SLCO4C1: variants seen among roughly 807,000 people sequenced by gnomAD.
The protein encoded by SLCO4C1 is organic anion transporter M1.
Under a neutral mutation model 72.1 loss-of-function variants are expected in SLCO4C1, and 58 were observed. That is an observed-to-expected ratio of 0.80 (90% confidence interval 0.65 to 1.00). The LOEUF (loss-of-function observed/expected upper bound fraction) is 1.00. Among genes scored for constraint, SLCO4C1 ranks in the 50% least tolerant of loss-of-function variants. SLCO4C1 has a pLI of 0.00. For synonymous variants in SLCO4C1, 297 were observed against 312.5 expected (o/e 0.95, Z 0.52); for missense variants, 898 against 857.9 (o/e 1.05, Z -0.58).
chr5:102,283,798 G>C (rs1375281723), intron 2 of SLCO4C1, among the ~76,000 whole-genome samples: 4 of 151,892 alleles, frequency 2.6e-5, no homozygotes, highest in Non-Finnish European at 4.4e-5. Context: ...AGTAAGAGTA[G>C]GTAATGGCAG....
intron 2 of SLCO4C1, among the ~76,000 whole-genome samples, chr5:102,275,394 TAAGA>T (rs1330296329): frequency 2.0e-5 from 3 of 152,154 alleles, no homozygotes; most frequent in Non-Finnish European, 4.4e-5. Flanking sequence ...TTGATGTACC[TAAGA>T]AAGAAAACTA....
intron 5 of SLCO4C1, among the ~76,000 whole-genome samples, chr5:102,261,512 A>G (rs1748943756): frequency 6.6e-6 from 1 of 152,164 alleles, no homozygotes. Context: ...ACTTAAAAAA[A>G]AAAGTACTTG....
chr5:102,238,749 T>A (rs1408207105), intron 12 of SLCO4C1, among the ~76,000 whole-genome samples: 1 of 152,166 alleles, frequency 6.6e-6, no homozygotes, highest in Non-Finnish European at 1.5e-5. Flanking sequence ...TTTCATTCAT[T>A]GCTTAACCAA....
intron 2 of SLCO4C1, among the ~76,000 whole-genome samples, chr5:102,282,206 A>C (rs1749370845): frequency 6.6e-6 from 1 of 152,034 alleles, no homozygotes; most frequent in African/African-American, 2.4e-5. Flanking sequence ...AAACATAGAA[A>C]TGTTCATCAT....
In SLCO4C1 at chr5:102,236,845, C is replaced by G. The variant is rs10073955; in HGVS notation, c.*13G>C. ...AATTTTCCAGGTGTAAAACAGTCTTCTCTTTTCCCATTTCACCCTTCTTTT... is the reference window on the plus strand; with the variant it reads ...AATTTTCCAGGTGTAAAACAGTCTTGTCTTTTCCCATTTCACCCTTCTTTT... On this transcript the variant is annotated 3_prime_UTR_variant, in exon 13 of 13. Coordinates refer to ENST00000310954, the MANE Select transcript of SLCO4C1 (RefSeq NM_180991.5). 2.9e-5 allele frequency: 46 copies of G among 1,609,422 alleles called. No homozygotes were observed. Among genetic ancestry groups the G allele is most frequent in the Middle Eastern group, 3.3e-4 (2 of 6,058 alleles).
chr5:102,238,261 C>G (rs1421353112), intron 12 of SLCO4C1, among the ~76,000 whole-genome samples: 1 of 151,794 alleles, frequency 6.6e-6, no homozygotes, highest in East Asian at 1.9e-4. Context: ...CCAAAAAGTA[C>G]AAACAAAATG....
chr5:102,243,436 C>G (rs567236060), intron 10 of SLCO4C1, among the ~76,000 whole-genome samples: 1 of 152,332 alleles, frequency 6.6e-6, no homozygotes, highest in African/African-American at 2.4e-5. Flanking sequence ...AGTGCAATCA[C>G]AGTGGTGGTG....
At chr5:102,274,876 C>T (rs994898312) in intron 2 of SLCO4C1, among the ~76,000 whole-genome samples, 3 of 152,118 alleles carry the variant, frequency 2.0e-5, no homozygotes, top group Admixed American at 2.0e-4. Flanking sequence ...TTATAGTTGA[C>T]CACCCCGAGT....
intron 8 of SLCO4C1, among the ~76,000 whole-genome samples, chr5:102,252,072 G>A (rs931317971): frequency 1.3e-5 from 2 of 150,954 alleles, no homozygotes; most frequent in African/African-American, 4.9e-5. Flanking sequence ...AGGGAAACGG[G>A]GAAAGAAGGA....
chr5:102,290,274 C>G (rs1749527800), intron 2 of SLCO4C1, among the ~76,000 whole-genome samples: 1 of 152,218 alleles, frequency 6.6e-6, no homozygotes, highest in African/African-American at 2.4e-5. Context: ...TGGTCTCTAA[C>G]TCCTGAGCTC....
rs2112412265 is a variant in SLCO4C1 at position 102,296,143 on chromosome 5, T to C, written c.120A>G (p.Gln40=). The C allele has an allele frequency of 6.2e-7, 1 of 1,614,018 alleles. No individual in the cohort carries two copies. The highest frequency in any genetic ancestry group is 1.1e-5 in the South Asian group (1 of 91,078). ...GCTCCTGTGGCTGAGAATTCTCTCT[T>C]TGGGGGTCAGAGGACAAGGCAGAGA... is the stretch of plus-strand genomic sequence containing the variant. ...IEVSALSSDP[Q]RENSQPQELQ... The change falls in exon 1 of 13, where the codon CAA becomes CAG. Residue 40 remains glutamine, a synonymous_variant. Coordinates refer to ENST00000310954, the MANE Select transcript of SLCO4C1 (RefSeq NM_180991.5).
At chr5:102,286,409 C>A (rs1210953694) in intron 2 of SLCO4C1, among the ~76,000 whole-genome samples, 1 of 151,962 alleles carries the variant, frequency 6.6e-6, no homozygotes, top group East Asian at 1.9e-4. Context: ...TAACACTCAT[C>A]TAAAAGAAAT....
In SLCO4C1 at chr5:102,234,248, A is replaced by T. The variant is rs1748394107; in HGVS notation, c.*2610T>A. ...GTCAATTTATAAGTCAAGCTTACTT[A>T]ACAATCATAAATTACAAAAAACGCA... On this transcript the variant is annotated 3_prime_UTR_variant, in exon 13 of 13. Transcript: ENST00000310954. The T allele has an allele frequency of 6.6e-6, 1 of 152,648 alleles. No homozygotes were observed. The highest frequency in any genetic ancestry group is 2.4e-5 in the African/African-American group (1 of 41,476). The allele number at this position is 152,648 out of a possible 1,614,324, so 9.5% of individuals were successfully genotyped here.
At chr5:102,270,951 A>T in intron 2 of SLCO4C1, 145 bp from the exon 3 acceptor site, 1 of 725,936 alleles carries the variant, frequency 1.4e-6, no homozygotes, top group Non-Finnish European at 2.1e-6. Flanking sequence ...TTAAAAATAC[A>T]TCAAAAGAAA....
chr5:102,261,104 C>G (rs894524017), intron 5 of SLCO4C1, among the ~76,000 whole-genome samples: 1 of 152,156 alleles, frequency 6.6e-6, no homozygotes, highest in African/African-American at 2.4e-5. Flanking sequence ...TTAACCTTTT[C>G]TTTTTATATA....
At chr5:102,241,623 C>T (rs948398331) in intron 10 of SLCO4C1, among the ~76,000 whole-genome samples, 2 of 152,024 alleles carry the variant, frequency 1.3e-5, no homozygotes, top group Middle Eastern at 3.2e-3. Context: ...AAAGCTATCC[C>T]TTGTTTATGA....
At chr5:102,286,342 C>T (rs557051368) in intron 2 of SLCO4C1, among the ~76,000 whole-genome samples, 1 of 152,016 alleles carries the variant, frequency 6.6e-6, no homozygotes, top group Admixed American at 6.6e-5. Context: ...TTTAATAATG[C>T]CTCTCTCCCA....
In SLCO4C1 at chr5:102,291,098, A is replaced by C. The variant is rs761933159; in HGVS notation, c.619+245T>G. On this transcript the variant is annotated intron_variant, in intron 2 of 12. Coordinates refer to ENST00000310954, the MANE Select transcript of SLCO4C1 (RefSeq NM_180991.5). The stretch of plus-strand genomic sequence containing the variant: ...AACAAGTCATCTCTTCTTGAGGAGG[A>C]CTGTGTATAATATGGGGAATAAGAA... 1.6e-4 allele frequency among the ~76,000 whole-genome samples: 25 copies of C among 152,176 alleles called. 1 individual carries two copies. The highest frequency in any genetic ancestry group is 2.9e-4 in the Non-Finnish European group (20 of 68,030).
At position 102,260,310 on chromosome 5, in the gene SLCO4C1, T is replaced by A; in HGVS notation, c.1031A>T (p.Glu344Val). Residue 344 changes from glutamate (E) to valine (V), a missense_variant, in exon 6 of 13, where the codon GAA (glutamate) becomes GTA (valine). Physicochemically the swap from Glu to Val is moderately radical, Grantham distance 121. Transcript: ENST00000310954. ...CTGGGAAGTTTTTCCAGCTTGAATTTCTGCTGTACCTAAAAAAAAAATATA... is the reference window on the plus strand; with the variant it reads ...CTGGGAAGTTTTTCCAGCTTGAATTACTGCTGTACCTAAAAAAAAAATATA... Reference protein sequence around the residue: ...CFPKHLPGTAEIQAGKTSQAH... With the variant: ...CFPKHLPGTAVIQAGKTSQAH... The A allele has an allele frequency of 8.3e-7, 1 of 1,212,110 alleles. No individual in the cohort carries two copies. Among genetic ancestry groups the A allele is most frequent in the Non-Finnish European group, 1.1e-6 (1 of 932,628 alleles). 75.1% of individuals were successfully genotyped at this position (1,212,110 alleles called of 1,614,324 possible).
Sources: allele counts gnomAD v4.1 joint callset (sites outside exome capture counted in the v4.1 genomes callset), GRCh38; gene constraint gnomAD v4.1.1; transcripts MANE v1.5; gene names NCBI Gene and HGNC (gene_info 2026-07-23, HGNC 2026-07-21).